Variants in BCKDHB observed in about 807,000 individuals in gnomAD.
The protein encoded by BCKDHB is 2-oxoisovalerate dehydrogenase subunit beta, mitochondrial.
BCKDHB carries 41 observed loss-of-function variants against 48.5 expected under a neutral mutation model. The observed-to-expected ratio is 0.85, with a 90% confidence interval of 0.66 to 1.10. The LOEUF is 1.10. BCKDHB is among the 50% of genes least tolerant of loss of function. BCKDHB has a pLI of 0.00. For missense variants in BCKDHB, 496 were observed against 494.2 expected, an observed-to-expected ratio of 1.00 and a Z score of -0.03; for synonymous variants, 201 against 174.8, an observed-to-expected ratio of 1.15 and a Z score of -1.18.
intron 6 of BCKDHB, among the ~76,000 whole-genome samples, chr6:80,199,251 G>C (rs1446908498): frequency 6.6e-6 from 1 of 152,092 alleles, no homozygotes; most frequent in Non-Finnish European, 1.5e-5. Context: ...TTGGATGCCA[G>C]AAAGAGTGAG....
rs142051989 is a variant in BCKDHB at position 80,319,602 on chromosome 6, G to A, written c.1039-24062G>A. 2.4e-3 allele frequency among the ~76,000 whole-genome samples: 366 copies of A among 152,276 alleles called. 4 individuals carry two copies. Among genetic ancestry groups the A allele is most frequent in the Middle Eastern group, 3.4e-3 (1 of 294 alleles). On this transcript the variant is annotated intron_variant, in intron 9 of 9. Transcript: ENST00000320393. ...AGCCCTCTGGTTGTACTGCAAAAGT[G>A]GTTGCATTTTGAAGGCAGGTGTATA...
chr6:80,157,625 C>A (rs890082295), intron 3 of BCKDHB, among the ~76,000 whole-genome samples: 2 of 151,574 alleles, frequency 1.3e-5, no homozygotes, highest in African/African-American at 2.4e-5. Flanking sequence ...GCCACCACAC[C>A]TGGCTAATTT....
intron 9 of BCKDHB, among the ~76,000 whole-genome samples, chr6:80,331,022 T>A (rs1472123105): frequency 6.6e-6 from 1 of 152,226 alleles, no homozygotes; most frequent in Non-Finnish European, 1.5e-5. Context: ...AAGAGGTATA[T>A]TTCTATCTTG....
intron 8 of BCKDHB, among the ~76,000 whole-genome samples, chr6:80,257,825 C>G (rs1562180999): frequency 1.3e-5 from 2 of 152,042 alleles, no homozygotes; most frequent in Non-Finnish European, 2.9e-5. Context: ...AGGATATATC[C>G]CAGCCCAGCA....
the BCKDHB span, among the ~76,000 whole-genome samples, chr6:80,383,450 A>T: frequency 5.3e-5 from 8 of 152,240 alleles, no homozygotes; most frequent in African/African-American, 1.9e-4. Flanking sequence ...ACAATTACAT[A>T]TATAAAATTT....
intron 9 of BCKDHB, among the ~76,000 whole-genome samples, chr6:80,336,504 C>CAAA (rs1212776239): frequency 4.3e-4 from 44 of 102,018 alleles, no homozygotes; most frequent in South Asian, 3.0e-4. Context: ...ACCAAAAAAA[C>CAAA]AAAAAAAAAC....
intron 3 of BCKDHB, among the ~76,000 whole-genome samples, chr6:80,156,329 T>C (rs920367511): frequency 5.3e-5 from 8 of 152,018 alleles, no homozygotes; most frequent in African/African-American, 1.9e-4. Flanking sequence ...CTTCATATTA[T>C]CTGAAGTGTA....
intron 8 of BCKDHB, among the ~76,000 whole-genome samples, chr6:80,248,952 C>A (rs1776728637): frequency 6.7e-6 from 1 of 149,324 alleles, no homozygotes; most frequent in African/African-American, 2.5e-5. Context: ...TGTGTGCATC[C>A]CAGAATAGCC....
the BCKDHB span, among the ~76,000 whole-genome samples, chr6:80,453,525 G>C: frequency 6.6e-6 from 1 of 152,110 alleles, no homozygotes. Context: ...TATGTGTCTG[G>C]GCCTCCTGAA....
At chr6:80,116,700 T>C (rs1156765226) in intron 1 of BCKDHB, among the ~76,000 whole-genome samples, 1 of 152,224 alleles carries the variant, frequency 6.6e-6, no homozygotes, top group African/African-American at 2.4e-5. Flanking sequence ...TAGAAGAAAG[T>C]GTGCTGCTGT....
At chr6:80,383,078 C>T in the BCKDHB span, among the ~76,000 whole-genome samples, 2 of 152,072 alleles carry the variant, frequency 1.3e-5, no homozygotes, top group South Asian at 4.1e-4. Flanking sequence ...TGGGGTCAGG[C>T]TGAAGGAAAA....
chr6:80,240,195 C>G (rs1260150513), intron 8 of BCKDHB, among the ~76,000 whole-genome samples: 1 of 151,998 alleles, frequency 6.6e-6, no homozygotes, highest in South Asian at 2.1e-4. Flanking sequence ...AAGTCATTGT[C>G]AGCTTGATGG....
intron 9 of BCKDHB, among the ~76,000 whole-genome samples, chr6:80,305,650 C>A (rs1241694488): frequency 6.6e-6 from 1 of 152,158 alleles, no homozygotes; most frequent in Non-Finnish European, 1.5e-5. Flanking sequence ...TGAGTGAGGG[C>A]TGATTTCTGC....
At chr6:80,179,107 C>T (rs1679569612) in intron 6 of BCKDHB, among the ~76,000 whole-genome samples, 1 of 152,146 alleles carries the variant, frequency 6.6e-6, no homozygotes, top group South Asian at 2.1e-4. Context: ...ATGGCATCCT[C>T]AAGCTCCTGG....
At chr6:80,140,943 T>C (rs1003214691) in intron 3 of BCKDHB, among the ~76,000 whole-genome samples, 1 of 152,196 alleles carries the variant, frequency 6.6e-6, no homozygotes, top group Non-Finnish European at 1.5e-5. Flanking sequence ...CTGGACTCTT[T>C]TTGGTTGATA....
intron 8 of BCKDHB, among the ~76,000 whole-genome samples, chr6:80,243,139 A>G (rs1776457227): frequency 1.3e-5 from 2 of 152,202 alleles, no homozygotes; most frequent in African/African-American, 2.4e-5. Context: ...AAAACAAGGT[A>G]CAGAGAGACA....
chr6:80,140,831 A>G (rs375056619), intron 3 of BCKDHB, among the ~76,000 whole-genome samples: 11 of 152,070 alleles, frequency 7.2e-5, no homozygotes, highest in Admixed American at 2.0e-4. Flanking sequence ...AATGAGTTAG[A>G]GAGGATTCCC....
chr6:80,404,896 T>C, the BCKDHB span, among the ~76,000 whole-genome samples: 1 of 152,102 alleles, frequency 6.6e-6, no homozygotes, highest in East Asian at 1.9e-4. Flanking sequence ...AACACTGTGG[T>C]CAGAAAAGAT....
chr6:80,324,888 C>A (rs2128004672), intron 9 of BCKDHB, among the ~76,000 whole-genome samples: 1 of 152,218 alleles, frequency 6.6e-6, no homozygotes, highest in South Asian at 2.1e-4. Flanking sequence ...GTAACTGAGG[C>A]TGGGGGAATG....
Sources: gnomAD v4.1 joint callset for allele counts (sites outside exome capture counted in the v4.1 genomes callset) on GRCh38, gnomAD v4.1.1 for gene constraint, MANE v1.5 for transcripts, NCBI Gene and HGNC (gene_info 2026-07-23, HGNC 2026-07-21) for gene names.